Variants in PPARGC1B observed in about 807,000 individuals in gnomAD.
The protein encoded by PPARGC1B is PPARG coactivator 1 beta, also known as peroxisome proliferator-activated receptor gamma coactivator 1-beta.
In PPARGC1B, 34 loss-of-function variants were observed where a neutral mutation model predicts 101.6. That is an observed-to-expected ratio of 0.33 (90% CI 0.25 to 0.45). PPARGC1B has a LOEUF of 0.45. PPARGC1B is among the 20% of genes least tolerant of loss of function. The pLI is 1.00. For synonymous variants in PPARGC1B, 548 were observed against 539.3 expected, an observed-to-expected ratio of 1.02 and a Z score of -0.22; for missense variants, 1,234 against 1,317.6, an observed-to-expected ratio of 0.94 and a Z score of 0.98.
chr5:149,785,671 CCT>C (rs1350812024), intron 1 of PPARGC1B, among the ~76,000 whole-genome samples: 1 of 152,212 alleles, frequency 6.6e-6, no homozygotes, highest in Non-Finnish European at 1.5e-5. Context: ...AGACAAAGAC[CCT>C]CTGTTTTGGT....
intron 1 of PPARGC1B, among the ~76,000 whole-genome samples, chr5:149,785,072 C>T (rs181293253): frequency 6.6e-6 from 1 of 152,288 alleles, no homozygotes; most frequent in East Asian, 1.9e-4. Flanking sequence ...CCCTTAATTA[C>T]AAGGGGTTCT....
In PPARGC1B at chr5:149,845,929, C is replaced by T; in HGVS notation, c.2971+15C>T. On this transcript the variant is annotated intron_variant, in intron 11 of 11. Transcript: ENST00000309241. ...CACTGACTACGGTAAGCCCCTGAAA[C>T]CCAGCCACAGTCTAGTAAGACTCAA... 2 of 1,614,216 alleles carry T rather than the reference C, an allele frequency of 1.2e-6. No individual in the cohort carries two copies. Among genetic ancestry groups the T allele is most frequent in the Non-Finnish European group, 1.7e-6 (2 of 1,180,030 alleles).
rs150104714 is a variant in PPARGC1B at position 149,833,283 on chromosome 5, G to T, written c.1210G>T (p.Gly404Trp). The T allele has an allele frequency of 1.2e-5, 19 of 1,613,284 alleles. No homozygotes were observed. The highest frequency in any genetic ancestry group is 2.5e-6 in the Non-Finnish European group (3 of 1,180,034). ...GATCGCAGCTTCACCCAAGAGCACC[G>T]GGCCCAGACCAAGCCTGCGCCCACT... ...VRIAASPKST[G>W]PRPSLRPLRL... Residue 404 changes from glycine to tryptophan, a missense_variant, in exon 5 of 12, where the codon GGG becomes TGG. Coordinates refer to ENST00000309241, the MANE Select transcript of PPARGC1B (RefSeq NM_133263.4). This position sits in a 1 kb window ranked among gnomAD's most constrained non-coding sequence, Gnocchi z 4.1.
At chr5:149,802,653 C>A (rs887556642) in intron 1 of PPARGC1B, among the ~76,000 whole-genome samples, 1 of 151,204 alleles carries the variant, frequency 6.6e-6, no homozygotes, top group Non-Finnish European at 1.5e-5. Flanking sequence ...CATGACACTT[C>A]TGTGAGGCAT....
downstream of PPARGC1B, chr5:149,857,820 CAT>C (rs1235889659): frequency 6.6e-6 from 1 of 152,226 alleles, no homozygotes; most frequent in African/African-American, 2.4e-5. Flanking sequence ...TCAATTTCCT[CAT>C]GTGTCTAAAA....
chr5:149,790,786 A>T (rs938169456), intron 1 of PPARGC1B, among the ~76,000 whole-genome samples: 2 of 152,156 alleles, frequency 1.3e-5, no homozygotes, highest in Non-Finnish European at 2.9e-5. Context: ...TGTGTGAAAC[A>T]TGCAGATTCC....
intron 1 of PPARGC1B, among the ~76,000 whole-genome samples, chr5:149,808,777 C>A (rs957974881): frequency 3.3e-5 from 5 of 152,130 alleles, no homozygotes; most frequent in Non-Finnish European, 5.9e-5. Context: ...CTACTATGTG[C>A]CAGGCATTAT....
At chr5:149,822,021 G>C (rs1329058848) in intron 2 of PPARGC1B, among the ~76,000 whole-genome samples, 1 of 152,136 alleles carries the variant, frequency 6.6e-6, no homozygotes, top group African/African-American at 2.4e-5. Context: ...GAACCCCTTT[G>C]CCAACCCTGT....
chr5:149,766,538 C>T (rs745669751), intron 1 of PPARGC1B, among the ~76,000 whole-genome samples: 11 of 152,138 alleles, frequency 7.2e-5, no homozygotes, highest in Non-Finnish European at 1.5e-4. Flanking sequence ...TGTGGCAGAG[C>T]TGGAAATGTG....
intron 1 of PPARGC1B, among the ~76,000 whole-genome samples, chr5:149,811,091 C>T (rs575523007): frequency 6.6e-6 from 1 of 152,274 alleles, no homozygotes; most frequent in South Asian, 2.1e-4. Flanking sequence ...CCTACGTTGT[C>T]TTTTAGCGAA....
intron 1 of PPARGC1B, among the ~76,000 whole-genome samples, chr5:149,736,639 C>T (rs571066270): frequency 1.3e-4 from 20 of 152,148 alleles, no homozygotes; most frequent in Non-Finnish European, 2.1e-4. Flanking sequence ...TTGCTGCACC[C>T]GACTTTGTCT....
At position 149,730,346 on chromosome 5, in the gene PPARGC1B, G is replaced by C; in HGVS notation, c.4G>C (p.Ala2Pro). 6.4e-7 allele frequency: 1 copy of C among 1,562,380 alleles called. No homozygotes were observed. The highest frequency in any genetic ancestry group is 8.6e-7 in the Non-Finnish European group (1 of 1,157,012). Residue 2 changes from alanine (A) to proline (P), a missense_variant, in exon 1 of 12, where the codon GCG (alanine) becomes CCG (proline). Physicochemically the swap from Ala to Pro is conservative, Grantham distance 27. Transcript: ENST00000309241. This position sits in a 1 kb window ranked among gnomAD's most constrained non-coding sequence, Gnocchi z 4.0. MAGNDCGALLDE... is the reference protein window; with the variant it reads MPGNDCGALLDE... ...ACGCTGCAGCCGCGGCTGGAAGATG[G>C]CGGGGAACGACTGCGGCGCGCTGCT... is the stretch of plus-strand genomic sequence containing the variant.
intron 1 of PPARGC1B, among the ~76,000 whole-genome samples, chr5:149,793,445 C>A (rs763568581): frequency 2.0e-5 from 3 of 152,172 alleles, no homozygotes; most frequent in Non-Finnish European, 4.4e-5. Context: ...ATACTGCCTC[C>A]CTTGGCACTC....
intron 1 of PPARGC1B, among the ~76,000 whole-genome samples, chr5:149,769,772 T>A (rs1017600020): frequency 6.6e-6 from 1 of 152,208 alleles, no homozygotes; most frequent in Admixed American, 6.5e-5. Context: ...TCTGGCCTTT[T>A]CCAGCTTCCA....
chr5:149,777,784 A>AACACACACACACACACACACACACAC (rs4039101), intron 1 of PPARGC1B, among the ~76,000 whole-genome samples: 1 of 91,010 alleles, frequency 1.1e-5, no homozygotes, highest in African/African-American at 5.0e-5. Flanking sequence ...CTGTCTTTGT[A>AACACACACACACACACACACACACAC]ACACACACAC....
At chr5:149,801,060 A>C (rs1172933616) in intron 1 of PPARGC1B, among the ~76,000 whole-genome samples, 7 of 152,144 alleles carry the variant, frequency 4.6e-5, no homozygotes, top group Non-Finnish European at 1.0e-4. Flanking sequence ...ATGGGGAATG[A>C]AGACCTAGGG....
intron 1 of PPARGC1B, among the ~76,000 whole-genome samples, chr5:149,776,828 T>C (rs781050666): frequency 2.0e-5 from 3 of 152,216 alleles, no homozygotes; most frequent in African/African-American, 7.2e-5. Flanking sequence ...CAGTTGACAA[T>C]GGAAATGGCC....
At chr5:149,840,509 A>C (rs1360361729) in intron 9 of PPARGC1B, among the ~76,000 whole-genome samples, 2 of 152,136 alleles carry the variant, frequency 1.3e-5, no homozygotes, top group East Asian at 1.9e-4. Context: ...CAGGTCCCCC[A>C]GCTACCCCGA....
At position 149,855,015 on chromosome 5, in the gene PPARGC1B, C is replaced by G. The variant is rs954576139; in HGVS notation, c.*7457C>G. Reference sequence around the variant, plus strand: ...ACTATGGAGATTAAAAACAAAATACCACCCACAGCTTTGCCCATGTGTGTT... The same window carrying G: ...ACTATGGAGATTAAAAACAAAATACGACCCACAGCTTTGCCCATGTGTGTT... On this transcript the variant is annotated 3_prime_UTR_variant, in exon 12 of 12. Coordinates refer to ENST00000309241, the MANE Select transcript of PPARGC1B (RefSeq NM_133263.4). The G allele has an allele frequency of 6.6e-6, 1 of 152,038 alleles. No homozygotes were observed. Among genetic ancestry groups the G allele is most frequent in the African/African-American group, 2.4e-5 (1 of 41,380 alleles). The allele number at this position is 152,038 out of a possible 1,614,324, so 9.4% of individuals were successfully genotyped here.
Sources: allele counts gnomAD v4.1 joint callset (sites outside exome capture counted in the v4.1 genomes callset), GRCh38; gene constraint gnomAD v4.1.1; non-coding constraint Gnocchi (gnomAD v3.1); transcripts MANE v1.5; gene names NCBI Gene and HGNC (gene_info 2026-07-23, HGNC 2026-07-21).